LARGE1: variants seen among roughly 807,000 people sequenced by gnomAD.
The protein encoded by LARGE1 is LARGE xylosyl- and glucuronyltransferase 1.
LARGE1 carries 43 observed loss-of-function variants against 87.6 expected under a neutral mutation model. That is an observed-to-expected ratio of 0.49 (90% CI 0.38 to 0.63). The LOEUF (loss-of-function observed/expected upper bound fraction) is 0.63, where lower values mean the gene tolerates loss of function less well. LARGE1 is among the 30% of genes least tolerant of loss of function. The probability of loss-of-function intolerance (pLI) is 0.00; values close to 1 mark genes in which losing one functional copy is unlikely to be tolerated. For synonymous variants in LARGE1, 434 were observed against 394.6 expected (o/e 1.10, Z -1.18); for missense variants, 802 against 1,000.2 (o/e 0.80, Z 2.67).
At chr22:33,394,740 TGTG>T (rs2065665633) in intron 7 of LARGE1, among the ~76,000 whole-genome samples, 1 of 145,804 alleles carries the variant, frequency 6.9e-6, no homozygotes, top group African/African-American at 2.7e-5. Flanking sequence ...TGTGTGTGTG[TGTG>T]TATGTGTGTG....
At chr22:33,450,611 A>T (rs1249294192) in intron 6 of LARGE1, among the ~76,000 whole-genome samples, 1 of 67,110 alleles carries the variant, frequency 1.5e-5, no homozygotes, top group Non-Finnish European at 3.0e-5. Flanking sequence ...TGTTAAATAA[A>T]TAAATAAATA....
At chr22:33,508,054 A>T (rs760355503) in intron 6 of LARGE1, among the ~76,000 whole-genome samples, 3 of 151,108 alleles carry the variant, frequency 2.0e-5, no homozygotes, top group Middle Eastern at 3.4e-3. Context: ...TCCCTTTGAT[A>T]ATGTGCTCCC....
intron 6 of LARGE1, among the ~76,000 whole-genome samples, chr22:33,561,499 G>C (rs2148762946): frequency 6.6e-6 from 1 of 152,302 alleles, no homozygotes; most frequent in East Asian, 1.9e-4. Context: ...CCCATGTCCA[G>C]CTCCCCTGAA....
chr22:33,725,921 GA>G (rs1337625914), intron 2 of LARGE1, among the ~76,000 whole-genome samples: 1 of 152,128 alleles, frequency 6.6e-6, no homozygotes, highest in Non-Finnish European at 1.5e-5. Context: ...GCAATGTCTG[GA>G]GACACTTTTG....
chr22:33,452,420 G>A (rs2067968313), intron 6 of LARGE1, among the ~76,000 whole-genome samples: 2 of 152,176 alleles, frequency 1.3e-5, no homozygotes, highest in South Asian at 4.1e-4. Flanking sequence ...AGAAAGAGTG[G>A]CAGAGAAGGT....
In LARGE1 at chr22:33,656,755, G is replaced by C. The variant is rs372655944; in HGVS notation, c.107-6087C>G. Among the ~76,000 whole-genome samples the C allele has an allele frequency of 2.6e-5, 4 of 152,082 alleles. No homozygotes were observed. In the East Asian group the frequency reaches 7.7e-4, roughly 29 times the overall value. ...ACTTTCAGCTTAAAATGTCAAACAA[G>C]ACATTATTCAAAAACTAAGCTGACA... On this transcript the variant is annotated intron_variant, in intron 2 of 14. Coordinates refer to ENST00000397394, the MANE Select transcript of LARGE1 (RefSeq NM_133642.5).
chr22:33,341,602 TG>T (rs67699521), intron 9 of LARGE1, among the ~76,000 whole-genome samples: 19,530 of 152,154 alleles, frequency 0.13, 2,589 homozygotes, highest in African/African-American at 0.34. Context: ...CAGTGAATTA[TG>T]GGGAAACCTA....
chr22:33,892,260 A>C (rs1374470446), intron 1 of LARGE1, among the ~76,000 whole-genome samples: 2 of 152,124 alleles, frequency 1.3e-5, no homozygotes, highest in East Asian at 3.9e-4. Flanking sequence ...GCTGATCTAG[A>C]CTGGGCTTGG....
the LARGE1 span, among the ~76,000 whole-genome samples, chr22:33,076,544 C>T: frequency 1.3e-5 from 2 of 152,172 alleles, no homozygotes; most frequent in Admixed American, 1.3e-4. Flanking sequence ...GAAAGGAAAA[C>T]TTCAGATTTA....
chr22:33,337,926 C>T (rs1938671213), intron 9 of LARGE1, 125 bp from the exon 10 acceptor site: 3 of 1,094,462 alleles, frequency 2.7e-6, no homozygotes, highest in Non-Finnish European at 4.0e-6. Flanking sequence ...TTCGCTCATT[C>T]AACATTTTGG....
intron 6 of LARGE1, among the ~76,000 whole-genome samples, chr22:33,440,583 T>G (rs2067429642): frequency 6.6e-6 from 1 of 152,212 alleles, no homozygotes; most frequent in Non-Finnish European, 1.5e-5. Flanking sequence ...AGAAAAGCAT[T>G]TAATAGCACC....
intron 6 of LARGE1, among the ~76,000 whole-genome samples, chr22:33,462,024 T>C (rs2148017048): frequency 6.6e-6 from 1 of 152,310 alleles, no homozygotes; most frequent in Non-Finnish European, 1.5e-5. Context: ...ACATAACAAA[T>C]CCAATTATTT....
intron 1 of LARGE1, among the ~76,000 whole-genome samples, chr22:33,763,056 T>C (rs2084788010): frequency 6.6e-6 from 1 of 152,212 alleles, no homozygotes; most frequent in Non-Finnish European, 1.5e-5. Context: ...GGTGGTCTGG[T>C]TGGACTGACT....
chr22:33,533,652 T>C (rs2076959446), intron 6 of LARGE1, among the ~76,000 whole-genome samples: 1 of 152,150 alleles, frequency 6.6e-6, no homozygotes, highest in Admixed American at 6.5e-5. Context: ...TCAATAAATG[T>C]ATGTTTGTGT....
chr22:33,584,891 C>T (rs974720176), intron 5 of LARGE1, among the ~76,000 whole-genome samples: 1 of 152,132 alleles, frequency 6.6e-6, no homozygotes, highest in African/African-American at 2.4e-5. Context: ...CTGAGGCTGG[C>T]AGATCACTTG....
At chr22:33,807,270 G>A (rs1455334343) in intron 1 of LARGE1, among the ~76,000 whole-genome samples, 1 of 152,000 alleles carries the variant, frequency 6.6e-6, no homozygotes, top group Admixed American at 6.6e-5. Flanking sequence ...GACTGTTTGG[G>A]ATTAAATAAA....
chr22:33,432,279 A>T lies in LARGE1; in HGVS notation c.788-14T>A. 6.2e-7 allele frequency: 1 copy of T among 1,600,114 alleles called. No homozygotes were observed. The highest frequency in any genetic ancestry group is 1.3e-5 in the African/African-American group (1 of 74,760). On this transcript the variant is annotated splice_polypyrimidine_tract_variant and intron_variant, in intron 6 of 14. Transcript: ENST00000397394. ...GGACTTGCTGACCTGTGAGGTACAGAGAATACAAACATCTTAAAAGGAGAA... is the reference window on the plus strand; with the variant it reads ...GGACTTGCTGACCTGTGAGGTACAGTGAATACAAACATCTTAAAAGGAGAA...
intron 12 of LARGE1, among the ~76,000 whole-genome samples, chr22:33,291,870 AT>A (rs1436389876): frequency 1.3e-5 from 2 of 152,046 alleles, no homozygotes; most frequent in Admixed American, 1.3e-4. Flanking sequence ...AGGTTGGGGG[AT>A]AACCTAAGGT....
chr22:33,392,407 C>T (rs1412693870), intron 7 of LARGE1, among the ~76,000 whole-genome samples: 2 of 152,058 alleles, frequency 1.3e-5, no homozygotes, highest in African/African-American at 2.4e-5. Flanking sequence ...GCCTGTGATC[C>T]CAGCACTTTG....
Sources: allele counts gnomAD v4.1 joint callset (sites outside exome capture counted in the v4.1 genomes callset), GRCh38; gene constraint gnomAD v4.1.1; transcripts MANE v1.5; gene names NCBI Gene and HGNC (gene_info 2026-07-23, HGNC 2026-07-21).